MCTP2: variants seen among roughly 807,000 people sequenced by gnomAD.
MCTP2 encodes the protein multiple C2 and transmembrane domain containing 2.
Under a neutral mutation model 111.6 loss-of-function variants are expected in MCTP2, and 132 were observed. That is an observed-to-expected ratio of 1.18 (90% CI 1.03 to 1.37). The LOEUF (loss-of-function observed/expected upper bound fraction) is 1.37, where lower values mean the gene tolerates loss of function less well. Among genes scored for constraint, MCTP2 ranks in the 40% most tolerant of loss-of-function variants. The pLI, the probability that MCTP2 is intolerant of heterozygous loss-of-function variation, is 0.00. For missense variants in MCTP2, 1,183 were observed against 1,067.9 expected, an observed-to-expected ratio of 1.11 and a Z score of -1.50; for synonymous variants, 395 against 387.7, an observed-to-expected ratio of 1.02 and a Z score of -0.22.
intron 4 of MCTP2, among the ~76,000 whole-genome samples, chr15:94,319,948 T>A (rs1477127178): frequency 6.6e-6 from 1 of 152,184 alleles, no homozygotes; most frequent in African/African-American, 2.4e-5. Flanking sequence ...AGGAAGTATC[T>A]TTCAATACAG....
chr15:94,390,098 A>ATGTATATATATATATGTATATATATATG (rs1555464915), intron 14 of MCTP2, among the ~76,000 whole-genome samples: 1 of 34,426 alleles, frequency 2.9e-5, no homozygotes, highest in South Asian at 7.5e-4. Context: ...ATGTATATAT[A>ATGTATATATATATATGTATATATATATG]TATATATATA....
rs74723378 is a variant in MCTP2 at position 94,301,157 on chromosome 15, A to T, written c.465+2427A>T. ...TTGCTCCTCTTTTTCTGACCTAGAAAGTACAAAACAAAGACCAAGACTGAT... is the reference window on the plus strand; with the variant it reads ...TTGCTCCTCTTTTTCTGACCTAGAATGTACAAAACAAAGACCAAGACTGAT... On this transcript the variant is annotated intron_variant, in intron 2 of 22. Coordinates refer to ENST00000357742, the MANE Select transcript of MCTP2 (RefSeq NM_001385001.1). Among the ~76,000 whole-genome samples, 756 of 152,264 alleles carry T rather than the reference A, an allele frequency of 5.0e-3. 5 individuals are homozygous for T. The highest frequency in any genetic ancestry group is 0.016 in the African/African-American group (658 of 41,542).
chr15:94,292,093 A>G (rs1302924496), intron 1 of MCTP2, among the ~76,000 whole-genome samples: 1 of 152,250 alleles, frequency 6.6e-6, no homozygotes, highest in Non-Finnish European at 1.5e-5. Context: ...TAAATCATAA[A>G]GACAAGAGTA....
At chr15:94,410,442 A>T (rs1026530437) in intron 17 of MCTP2, among the ~76,000 whole-genome samples, 2 of 152,092 alleles carry the variant, frequency 1.3e-5, no homozygotes, top group African/African-American at 4.8e-5. Flanking sequence ...AATTCAGTTC[A>T]TGTCAAAAAT....
chr15:94,259,381 C>G (rs1428315814), intron 1 of MCTP2, among the ~76,000 whole-genome samples: 1 of 152,166 alleles, frequency 6.6e-6, no homozygotes, highest in Non-Finnish European at 1.5e-5. Flanking sequence ...TGCTGCTGTT[C>G]TGTTACTGCA....
At chr15:94,293,385 G>A (rs935157466) in intron 1 of MCTP2, among the ~76,000 whole-genome samples, 1 of 152,176 alleles carries the variant, frequency 6.6e-6, no homozygotes, top group African/African-American at 2.4e-5. Context: ...TCTAAAAATT[G>A]TGTAAAAGTC....
chr15:94,393,573 G>GA (rs200417423), intron 14 of MCTP2, among the ~76,000 whole-genome samples: 1 of 151,528 alleles, frequency 6.6e-6, no homozygotes, highest in African/African-American at 2.4e-5. Context: ...AATAATAAGA[G>GA]AAAAAAAATC....
At chr15:94,365,998 A>G (rs978282864) in intron 10 of MCTP2, among the ~76,000 whole-genome samples, 2 of 152,220 alleles carry the variant, frequency 1.3e-5, no homozygotes, top group African/African-American at 4.8e-5. Flanking sequence ...AAGTAGAAAT[A>G]TTACTGCAAT....
intron 21 of MCTP2, among the ~76,000 whole-genome samples, chr15:94,473,053 G>C (rs2074057851): frequency 7.2e-6 from 1 of 139,860 alleles, no homozygotes; most frequent in Non-Finnish European, 1.6e-5. Context: ...AAAATGTTTT[G>C]TTCTATGTTT....
intron 17 of MCTP2, among the ~76,000 whole-genome samples, chr15:94,413,880 T>A (rs897360554): frequency 6.6e-6 from 1 of 152,196 alleles, no homozygotes; most frequent in Non-Finnish European, 1.5e-5. Context: ...CTTTCTTTTC[T>A]GCTAGTTAAG....
intron 20 of MCTP2, among the ~76,000 whole-genome samples, chr15:94,468,775 C>T (rs1219745391): frequency 1.3e-5 from 2 of 152,064 alleles, no homozygotes; most frequent in Non-Finnish European, 2.9e-5. Flanking sequence ...ATTACAGGTG[C>T]ACGCCACCAC....
chr15:94,257,730 G>T (rs988142093), intron 1 of MCTP2, among the ~76,000 whole-genome samples: 1 of 151,530 alleles, frequency 6.6e-6, no homozygotes, highest in African/African-American at 2.4e-5. Flanking sequence ...GGGATTACAG[G>T]TGTGTGCCAC....
intron 10 of MCTP2, among the ~76,000 whole-genome samples, chr15:94,359,571 CTG>C (rs1458260425): frequency 6.6e-6 from 1 of 152,152 alleles, no homozygotes; most frequent in Admixed American, 6.5e-5. Context: ...CACCTCTCCT[CTG>C]TGGCCAGAGC....
At chr15:94,407,716 G>C (rs1269884981) in intron 17 of MCTP2, among the ~76,000 whole-genome samples, 1 of 151,448 alleles carries the variant, frequency 6.6e-6, no homozygotes, top group Non-Finnish European at 1.5e-5. Context: ...ATTTCACATA[G>C]AACTTAAAAA....
At chr15:94,455,656 ACC>A (rs1278533606) in intron 19 of MCTP2, among the ~76,000 whole-genome samples, 1 of 151,270 alleles carries the variant, frequency 6.6e-6, no homozygotes, top group African/African-American at 2.4e-5. Context: ...CCATCTCCTG[ACC>A]TCGTTATCTG....
At chr15:94,476,913 T>G in intron 22 of MCTP2, 120 bp downstream of exon 22, 1 of 639,158 alleles carries the variant, frequency 1.6e-6, no homozygotes, top group Non-Finnish European at 2.8e-6. Flanking sequence ...CAGAAAATCC[T>G]TAAAGAGGCC....
In MCTP2 at chr15:94,384,006, T is replaced by A; in HGVS notation, c.1583-16T>A. 1 of 1,565,106 alleles carries A rather than the reference T, an allele frequency of 6.4e-7. No individual in the cohort carries two copies. On this transcript the variant is annotated splice_polypyrimidine_tract_variant and intron_variant, in intron 12 of 22. Coordinates refer to ENST00000357742, the MANE Select transcript of MCTP2 (RefSeq NM_001385001.1). ...GATTCACTTGTCTTTGACCGATGTG[T>A]ATGTTATCTTTCCAGGGAAGAGTGA...
At chr15:94,307,287 T>A (rs1177715089) in intron 2 of MCTP2, among the ~76,000 whole-genome samples, 2 of 152,076 alleles carry the variant, frequency 1.3e-5, no homozygotes, top group African/African-American at 4.8e-5. Flanking sequence ...GGAGGTGTTA[T>A]CATTTTGTAC....
intron 12 of MCTP2, among the ~76,000 whole-genome samples, chr15:94,380,632 G>T (rs959509251): frequency 4.6e-5 from 7 of 152,064 alleles, no homozygotes; most frequent in African/African-American, 1.7e-4. Context: ...GCTGGGCGTG[G>T]TGGCACGTGC....
Sources: gnomAD v4.1 joint callset for allele counts (sites outside exome capture counted in the v4.1 genomes callset) on GRCh38, gnomAD v4.1.1 for gene constraint, MANE v1.5 for transcripts, NCBI Gene and HGNC (gene_info 2026-07-23, HGNC 2026-07-21) for gene names.